PHOX2A: variants seen among roughly 807,000 people sequenced by gnomAD.
PHOX2A encodes the protein paired mesoderm homeobox protein 2A.
A neutral mutation model predicts 16.4 loss-of-function variants in PHOX2A; 10 were observed. The ratio of observed to expected loss-of-function variants is 0.61; its 90% CI spans 0.38 to 1.04. The LOEUF is 1.04. Ranked by LOEUF, PHOX2A falls within the 50% of genes least tolerant of loss-of-function variation. The probability of loss-of-function intolerance (pLI) is 0.01; values close to 1 mark genes in which losing one functional copy is unlikely to be tolerated. For synonymous variants in PHOX2A, 219 were observed against 203.8 expected (o/e 1.07, Z -0.64); for missense variants, 361 against 419.4 (o/e 0.86, Z 1.22).
Position 72,244,038 on chromosome 11 carries a change from G to T in PHOX2A, c.-34C>A. On this transcript the variant is annotated 5_prime_UTR_variant, in exon 1 of 3. Transcript: ENST00000298231. ...GGGGCGGGGGCGGGGGCCGGGCCAG[G>T]CCGGGTCGGGGTCGGGGTCCGGGTG... The T allele has an allele frequency of 9.1e-7, 1 of 1,100,428 alleles. No homozygotes were observed. 68.2% of individuals were successfully genotyped at this position (1,100,428 alleles called of 1,614,324 possible). A position where few individuals can be genotyped will look rare whatever the true frequency, so the allele number is the denominator to read the frequency against.
In PHOX2A at chr11:72,239,884, G is replaced by A. The variant is rs987576296; in HGVS notation, c.720C>T (p.Gly240=). The stretch of plus-strand genomic sequence containing the variant: ...CGGCCGCTCCCGCGCCAGGCCCGCC[G>A]CCCCCACCGCCCGCCACACCGGCCC... ...ALWAGVAGGG[G]GGPGAGAAEL... The change falls in exon 3 of 3, where the codon GGC becomes GGT. Residue 240 remains glycine (G), a synonymous_variant. Transcript: ENST00000298231. 4 of 1,353,280 alleles carry A rather than the reference G, an allele frequency of 3.0e-6. No homozygotes were observed. The highest frequency in any genetic ancestry group is 3.0e-5 in the Admixed American group (1 of 33,220). 83.8% of individuals were successfully genotyped at this position (1,353,280 alleles called of 1,614,324 possible).
intron 2 of PHOX2A, among the ~76,000 whole-genome samples, chr11:72,240,507 C>A (rs1456669130): frequency 2.0e-5 from 3 of 152,206 alleles, no homozygotes; most frequent in Admixed American, 2.0e-4. Context: ...TCCCCCAATT[C>A]CTTCTTTTAG....
Position 72,239,715 on chromosome 11 carries a change from T to C in PHOX2A, c.*34A>G. 7.7e-7 allele frequency: 1 copy of C among 1,300,540 alleles called. No individual in the cohort carries two copies. The highest frequency in any genetic ancestry group is 9.8e-7 in the Non-Finnish European group (1 of 1,016,422). 80.6% of individuals were successfully genotyped at this position (1,300,540 alleles called of 1,614,324 possible). On this transcript the variant is annotated 3_prime_UTR_variant, in exon 3 of 3. Transcript: ENST00000298231. ...GGTCCTGGAGGGGCAGGGACGTCTC[T>C]GGGGGCAGGCTCGGAGCCTCCAGAG... is the stretch of plus-strand genomic sequence containing the variant.
Position 72,240,168 on chromosome 11 carries a change from G to C in PHOX2A, c.436C>G (p.Arg146Gly). The C allele has an allele frequency of 6.5e-7, 1 of 1,535,630 alleles. No homozygotes were observed. The highest frequency in any genetic ancestry group is 8.7e-7 in the Non-Finnish European group (1 of 1,145,648). ...VWFQNRRAKF[R>G]KQERAASAKG... ...GCGCTGGCCGCGCGCTCCTGTTTGCGGAACTTGGCCCGGCGGTTCTGGAAC... is the reference window on the plus strand; with the variant it reads ...GCGCTGGCCGCGCGCTCCTGTTTGCCGAACTTGGCCCGGCGGTTCTGGAAC... The change falls in exon 3 of 3, where the codon CGC becomes GGC. Residue 146 changes from arginine to glycine, a missense_variant. Arg to Gly is a moderately radical substitution (Grantham distance 125). Coordinates refer to ENST00000298231, the MANE Select transcript of PHOX2A (RefSeq NM_005169.4).
At position 72,241,209 on chromosome 11, in the gene PHOX2A, C is replaced by T; in HGVS notation, c.298G>A (p.Ala100Thr). 1 of 1,608,694 alleles carries T rather than the reference C, an allele frequency of 6.2e-7. No individual in the cohort carries two copies. Among genetic ancestry groups the T allele is most frequent in the Non-Finnish European group, 8.5e-7 (1 of 1,177,514 alleles). Residue 100 changes from alanine (A) to threonine (T), a missense_variant, in exon 2 of 3, where the codon GCG (alanine) becomes ACG (threonine). Physicochemically the swap from Ala to Thr is moderately conservative, Grantham distance 58 (BLOSUM62 0). Coordinates refer to ENST00000298231, the MANE Select transcript of PHOX2A (RefSeq NM_005169.4). ...ACGCGCTCCAGCTCCTTGAGCTGCGCGCTGGTGAACGTGGTGCGGATGCGC... is the reference window on the plus strand; with the variant it reads ...ACGCGCTCCAGCTCCTTGAGCTGCGTGCTGGTGAACGTGGTGCGGATGCGC... ...QRRIRTTFTS[A>T]QLKELERVFA...
intron 1 of PHOX2A, 31 bp from the exon 2 acceptor site, chr11:72,241,320 G>T (rs779048236): frequency 7.4e-6 from 8 of 1,080,724 alleles, no homozygotes; most frequent in Non-Finnish European, 1.1e-5. Flanking sequence ...GCCGGGGGGG[G>T]GGCAAAAAGG....
chr11:72,244,096 C>T lies in PHOX2A; in HGVS notation c.-92G>A, dbSNP rs905148387. Reference sequence around the variant, plus strand: ...GAAGGGAGGTTCGAGCGCCAGGCTCCGAGGACCCGAGGCCAGCTCTGAGCG... The same window carrying T: ...GAAGGGAGGTTCGAGCGCCAGGCTCTGAGGACCCGAGGCCAGCTCTGAGCG... On this transcript the variant is annotated 5_prime_UTR_variant, in exon 1 of 3. Coordinates refer to ENST00000298231, the MANE Select transcript of PHOX2A (RefSeq NM_005169.4). 3.6e-5 allele frequency: 20 copies of T among 554,598 alleles called. No homozygotes were observed. Among genetic ancestry groups the T allele is most frequent in the Non-Finnish European group, 4.9e-5 (18 of 368,640 alleles). 34.4% of individuals were successfully genotyped at this position (554,598 alleles called of 1,614,324 possible). A position where few individuals can be genotyped will look rare whatever the true frequency, so the allele number is the denominator to read the frequency against.
rs1253973213 is a variant in PHOX2A, at chr11:72,243,877, G to C, written c.128C>G (p.Pro43Arg). The C allele has an allele frequency of 1.6e-6, 2 of 1,277,662 alleles. No individual in the cohort carries two copies. Among genetic ancestry groups the C allele is most frequent in the Non-Finnish European group, 2.0e-6 (2 of 1,007,616 alleles). 79.1% of individuals were successfully genotyped at this position (1,277,662 alleles called of 1,614,324 possible). ...CGCGGGGCAGGGCGGCCCTGCCGCG[G>C]GGAAAGCGGGCCGCAGGGGGCTGTA... The part of the protein sequence containing the change: ...FQYSPLRPAF[P>R]AAGPPCPALG... The change falls in exon 1 of 3, where the codon CCC (proline) becomes CGC (arginine). Residue 43 changes from proline to arginine, a missense_variant. Pro to Arg is a moderately radical substitution (Grantham distance 103). Transcript: ENST00000298231.
At chr11:72,241,716 A>C (rs187290180) in intron 1 of PHOX2A, among the ~76,000 whole-genome samples, 59 of 151,206 alleles carry the variant, frequency 3.9e-4, no homozygotes, top group Non-Finnish European at 7.7e-4. Flanking sequence ...GATGTCTGTC[A>C]GGTCTCATCA....
At position 72,243,941 on chromosome 11, in the gene PHOX2A, C is replaced by G. The variant is rs954354297; in HGVS notation, c.64G>C (p.Gly22Arg). ...CVAAMEASAY[G>R]DFGACSQPGG... ...GGCTGGCTGCAGGCGCCAAAGTCGC[C>G]GTAGGCGGACGCCTCCATGGCCGCC... is the stretch of plus-strand genomic sequence containing the variant. Residue 22 changes from glycine to arginine, a missense_variant, in exon 1 of 3, where the codon GGC becomes CGC. By Grantham distance (125) the Gly-to-Arg change is moderately radical. This residue lies in a region of PHOX2A where 235 missense variants were observed against 263.8 expected (regional missense o/e 0.89). Coordinates refer to ENST00000298231, the MANE Select transcript of PHOX2A (RefSeq NM_005169.4). 1 of 1,291,010 alleles carries G rather than the reference C, an allele frequency of 7.7e-7. No homozygotes were observed. Among genetic ancestry groups the G allele is most frequent in the Non-Finnish European group, 9.9e-7 (1 of 1,011,696 alleles). The allele number at this position is 1,291,010 out of a possible 1,614,324, so 80.0% of individuals were successfully genotyped here.
chr11:72,243,762 G>A, intron 1 of PHOX2A, 26 bp downstream of exon 1: 1 of 1,205,444 alleles, frequency 8.3e-7, no homozygotes, highest in South Asian at 3.5e-5. Flanking sequence ...GAATTGGAGG[G>A]AGGGTTGGGC....
At position 72,243,978 on chromosome 11, in the gene PHOX2A, G is replaced by A; in HGVS notation, c.27C>T (p.Tyr9=). The change falls in exon 1 of 3, where the codon TAC becomes TAT. Residue 9 remains tyrosine (Y), a synonymous_variant. Transcript: ENST00000298231. Reference sequence around the variant, plus strand: ...CCTCCATGGCCGCCACGCACGAGTCGTACGAATTGAGGTAGGAGTAGTCCA... The same window carrying A: ...CCTCCATGGCCGCCACGCACGAGTCATACGAATTGAGGTAGGAGTAGTCCA... The part of the protein sequence containing the change: MDYSYLNS[Y]DSCVAAMEAS... 1.6e-6 allele frequency: 2 copies of A among 1,284,934 alleles called. No homozygotes were observed. Among genetic ancestry groups the A allele is most frequent in the Non-Finnish European group, 2.0e-6 (2 of 1,006,558 alleles). 79.6% of individuals were successfully genotyped at this position (1,284,934 alleles called of 1,614,324 possible). A position where few individuals can be genotyped will look rare whatever the true frequency, so the allele number is the denominator to read the frequency against.
At chr11:72,242,922 C>T (rs1003352972) in intron 1 of PHOX2A, among the ~76,000 whole-genome samples, 3 of 152,248 alleles carry the variant, frequency 2.0e-5, no homozygotes, top group African/African-American at 7.2e-5. Flanking sequence ...CCGCCTTGGC[C>T]TCCCAAAGTG....
chr11:72,240,270 C>T (rs540589561), intron 2 of PHOX2A, 72 bp from the exon 3 acceptor site: 2 of 1,512,662 alleles, frequency 1.3e-6, no homozygotes, highest in Non-Finnish European at 1.8e-6. Context: ...GGCCGCAAGG[C>T]TCGAGTGAGA....
chr11:72,244,051 C>A lies in PHOX2A; in HGVS notation c.-47G>T. The stretch of plus-strand genomic sequence containing the variant: ...GGGCCGGGCCAGGCCGGGTCGGGGT[C>A]GGGGTCCGGGTGGAGGTCGGAAGGG... On this transcript the variant is annotated 5_prime_UTR_variant, in exon 1 of 3. Coordinates refer to ENST00000298231, the MANE Select transcript of PHOX2A (RefSeq NM_005169.4). The A allele has an allele frequency of 2.4e-6, 2 of 833,426 alleles. No homozygotes were observed. Among genetic ancestry groups the A allele is most frequent in the Non-Finnish European group, 3.2e-6 (2 of 628,338 alleles). The allele number at this position is 833,426 out of a possible 1,614,324, so 51.6% of individuals were successfully genotyped here. A position where few individuals can be genotyped will look rare whatever the true frequency, so the allele number is the denominator to read the frequency against.
rs1180189292 is a variant in PHOX2A, at chr11:72,240,048, G to C, written c.556C>G (p.Pro186Ala). ...GGCGGCAGCGAGGCGGTGCTATCGG[G>C]CGTGGGGCTGCACGTGGACTCCTTG... ...DSKESTCSPT[P>A]DSTASLPPPP... The change falls in exon 3 of 3, where the codon CCC (proline) becomes GCC (alanine). Residue 186 changes from proline to alanine, a missense_variant. Physicochemically the swap from Pro to Ala is conservative, Grantham distance 27. This residue lies in a region of PHOX2A where 55 missense variants were observed against 101.6 expected (regional missense o/e 0.54). Coordinates refer to ENST00000298231, the MANE Select transcript of PHOX2A (RefSeq NM_005169.4). 6.6e-7 allele frequency: 1 copy of C among 1,512,332 alleles called. No homozygotes were observed. The highest frequency in any genetic ancestry group is 8.8e-7 in the Non-Finnish European group (1 of 1,136,368). 93.7% of individuals were successfully genotyped at this position (1,512,332 alleles called of 1,614,324 possible).
At chr11:72,240,823 C>T (rs1223997485) in intron 2 of PHOX2A, among the ~76,000 whole-genome samples, 2 of 152,182 alleles carry the variant, frequency 1.3e-5, no homozygotes, top group African/African-American at 4.8e-5. Context: ...GTCTCCCCCT[C>T]TAGCCCCTCG....
Position 72,239,831 on chromosome 11 carries a change from T to C in PHOX2A, c.773A>G (p.Glu258Gly). Residue 258 changes from glutamate to glycine, a missense_variant, in exon 3 of 3, where the codon GAG (glutamate) becomes GGG (glycine). Around this residue, in one of 3 missense-constraint regions of PHOX2A, gnomAD observed 71 missense variants for 54.1 expected, o/e 1.31. Transcript: ENST00000298231. Reference sequence around the variant, plus strand: ...CCCGGAGAAGGGCCCGGGGCCGGACTCCGCCGGCTGCCAAGCCTTAAGTAG... The same window carrying C: ...CCCGGAGAAGGGCCCGGGGCCGGACCCCGCCGGCTGCCAAGCCTTAAGTAG... ...AELLKAWQPA[E>G]SGPGPFSGVL... 1 of 1,366,360 alleles carries C rather than the reference T, an allele frequency of 7.3e-7. No homozygotes were observed. 84.6% of individuals were successfully genotyped at this position (1,366,360 alleles called of 1,614,324 possible). A position where few individuals can be genotyped will look rare whatever the true frequency, so the allele number is the denominator to read the frequency against.
At chr11:72,241,044 T>A in intron 2 of PHOX2A, 58 bp downstream of exon 2, 1 of 1,567,374 alleles carries the variant, frequency 6.4e-7, no homozygotes, top group Non-Finnish European at 8.8e-7. Context: ...GTGTTAGACA[T>A]TAAGCTCCCA....
Sources: gnomAD v4.1 joint callset for allele counts (sites outside exome capture counted in the v4.1 genomes callset) on GRCh38, gnomAD v4.1.1 for gene constraint, gnomAD v4.1.1 regional missense constraint, MANE v1.5 for transcripts, NCBI Gene and HGNC (gene_info 2026-07-23, HGNC 2026-07-21) for gene names.